Variants in ZNF862 observed in about 807,000 individuals in gnomAD.
ZNF862 encodes zinc finger protein 862.
In ZNF862, 64 loss-of-function variants were observed where a neutral mutation model predicts 91.1. The observed-to-expected ratio is 0.70, with a 90% CI of 0.57 to 0.87. ZNF862 has a LOEUF of 0.87. ZNF862 is among the 40% of genes least tolerant of loss of function. The pLI is 0.00. For synonymous variants in ZNF862, 631 were observed against 618.1 expected (o/e 1.02, Z -0.31); for missense variants, 1,459 against 1,528.0 (o/e 0.95, Z 0.75).
In ZNF862 at chr7:149,860,462, C is replaced by T. The variant is rs774416334; in HGVS notation, c.1302C>T (p.Pro434=). ...AADSALLPGS[P]VEARASCCSS... The stretch of plus-strand genomic sequence containing the variant: ...ACTCCGCGTTGCTTCCAGGCTCTCC[C>T]GTGGAGGCCCGTGCCTCCTGCTGCA... The change falls in exon 7 of 8, where the codon CCC becomes CCT. Residue 434 remains proline (P), a synonymous_variant. Transcript: ENST00000223210. 15 of 1,613,816 alleles carry T rather than the reference C, an allele frequency of 9.3e-6. No individual in the cohort carries two copies. The highest frequency in any genetic ancestry group is 8.3e-5 in the Admixed American group (5 of 60,002).
intron 7 of ZNF862, 102 bp from the exon 8 acceptor site, chr7:149,864,007 G>A (rs757331430): frequency 2.4e-6 from 3 of 1,266,754 alleles, no homozygotes; most frequent in Non-Finnish European, 2.2e-6. Flanking sequence ...ACTTCAGTCT[G>A]TTCTGCCAAG....
In ZNF862 at chr7:149,864,679, G is replaced by A. The variant is rs1325528624; in HGVS notation, c.*395G>A. On this transcript the variant is annotated 3_prime_UTR_variant, in exon 8 of 8. Coordinates refer to ENST00000223210, the MANE Select transcript of ZNF862 (RefSeq NM_001099220.3). ...CTGCCCACAGTCTAAGTGGGAATGGGAAAGACCACCTTGTTAGAGGGGGAG... is the reference window on the plus strand; with the variant it reads ...CTGCCCACAGTCTAAGTGGGAATGGAAAAGACCACCTTGTTAGAGGGGGAG... 1.2e-5 allele frequency: 2 copies of A among 165,170 alleles called. No individual in the cohort carries two copies. Among genetic ancestry groups the A allele is most frequent in the East Asian group, 3.4e-4 (2 of 5,850 alleles). 10.2% of individuals were successfully genotyped at this position (165,170 alleles called of 1,614,324 possible). A position where few individuals can be genotyped will look rare whatever the true frequency, so the allele number is the denominator to read the frequency against.
chr7:149,860,030 C>A (rs961454548), intron 6 of ZNF862: 3 of 322,682 alleles, frequency 9.3e-6, no homozygotes, highest in Non-Finnish European at 1.7e-5. Flanking sequence ...TGGAGCCTCA[C>A]ACGAGAGTGA....
chr7:149,839,969 C>T (rs1283448281), intron 1 of ZNF862, among the ~76,000 whole-genome samples: 6 of 152,062 alleles, frequency 3.9e-5, no homozygotes. Flanking sequence ...CTATTCTGTT[C>T]AGTCAGAGGC....
intron 5 of ZNF862, among the ~76,000 whole-genome samples, chr7:149,854,500 G>A (rs1802187704): frequency 6.6e-6 from 1 of 152,148 alleles, no homozygotes; most frequent in East Asian, 1.9e-4. Context: ...TTATAACTCT[G>A]GTTATATTAT....
chr7:149,865,808 G>A lies in ZNF862; in HGVS notation c.*1524G>A, dbSNP rs896283634. 1 of 152,296 alleles carries A rather than the reference G, an allele frequency of 6.6e-6. No individual in the cohort carries two copies. The highest frequency in any genetic ancestry group is 2.4e-5 in the African/African-American group (1 of 41,436). 9.4% of individuals were successfully genotyped at this position (152,296 alleles called of 1,614,324 possible). On this transcript the variant is annotated 3_prime_UTR_variant, in exon 8 of 8. Coordinates refer to ENST00000223210, the MANE Select transcript of ZNF862 (RefSeq NM_001099220.3). ...CTGTGCTGTGCTGCAGGCCCCTGTG[G>A]GTGGGCCCTTTCTCCATAGTCTGCC...
rs986025725 is a variant in ZNF862, at chr7:149,841,059, A to T, written c.24+2424A>T. 3.0e-5 allele frequency: 30 copies of T among 985,442 alleles called. No individual in the cohort carries two copies. In the East Asian group the frequency reaches 3.4e-3, roughly 112 times the overall value. The allele number at this position is 985,442 out of a possible 1,614,324, so 61.0% of individuals were successfully genotyped here. On this transcript the variant is annotated intron_variant, in intron 1 of 7. Transcript: ENST00000223210. ...CTCAGAAAGGTGCTCACCCTTCCCA[A>T]AGATAGTTGTTTTCTAATATGGGAA... is the stretch of plus-strand genomic sequence containing the variant.
At chr7:149,848,980 C>A (rs529362508) in intron 4 of ZNF862, among the ~76,000 whole-genome samples, 2 of 152,060 alleles carry the variant, frequency 1.3e-5, no homozygotes, top group Admixed American at 1.3e-4. Flanking sequence ...TTTTATTTTT[C>A]GTAGAGATGG....
chr7:149,852,487 G>A (rs1323586765), intron 5 of ZNF862: 1 of 152,382 alleles, frequency 6.6e-6, no homozygotes, highest in Non-Finnish European at 1.5e-5. Flanking sequence ...TCCTGCCTTA[G>A]CCTCCCAAGT....
At chr7:149,841,788 C>A (rs1306062826) in intron 1 of ZNF862, 1 of 982,964 alleles carries the variant, frequency 1.0e-6, no homozygotes, top group Non-Finnish European at 1.2e-6. Context: ...ATACTCCTTT[C>A]TCATTTTTTT....
rs894976352 is a variant in ZNF862 at position 149,860,790 on chromosome 7, G to T, written c.1630G>T (p.Val544Phe). The T allele has an allele frequency of 3.1e-6, 5 of 1,613,762 alleles. No individual in the cohort carries two copies. The highest frequency in any genetic ancestry group is 3.4e-6 in the Non-Finnish European group (4 of 1,179,880). Residue 544 changes from valine to phenylalanine, a missense_variant, in exon 7 of 8, where the codon GTT (valine) becomes TTT (phenylalanine). Val to Phe is a conservative substitution (Grantham distance 50). Transcript: ENST00000223210. ...IKEDTPHTAL[V>F]PEISSDLMAN... ...GGAAGACACCCCTCACACTGCCCTC[G>T]TTCCAGAGATCTCCAGCGACCTCAT... is the stretch of plus-strand genomic sequence containing the variant.
chr7:149,853,206 C>T (rs779448155), intron 5 of ZNF862, among the ~76,000 whole-genome samples: 17 of 152,024 alleles, frequency 1.1e-4, no homozygotes, highest in Non-Finnish European at 2.1e-4. Context: ...TACAGGCACA[C>T]GCACTGCACC....
chr7:149,860,039 G>A, intron 6 of ZNF862: 1 of 335,782 alleles, frequency 3.0e-6, no homozygotes, highest in Non-Finnish European at 5.4e-6. Flanking sequence ...ACACGAGAGT[G>A]AAAGCCACCT....
intron 5 of ZNF862, among the ~76,000 whole-genome samples, chr7:149,854,196 G>T (rs1802176001): frequency 6.6e-6 from 1 of 152,170 alleles, no homozygotes; most frequent in Non-Finnish European, 1.5e-5. Flanking sequence ...TCTAGGCAGG[G>T]CCTGGAACTT....
In ZNF862 at chr7:149,864,665, C is replaced by CTT. The variant is rs80095241; in HGVS notation, c.*382_*383insTT. The CTT allele has an allele frequency of 0.021, 3,654 of 172,658 alleles. 127 individuals are homozygous for CTT. The highest frequency in any genetic ancestry group is 0.13 in the East Asian group (803 of 6,332). The allele number at this position is 172,658 out of a possible 1,614,324, so 10.7% of individuals were successfully genotyped here. A position where few individuals can be genotyped will look rare whatever the true frequency, so the allele number is the denominator to read the frequency against. ...ATGTTCCAGGGAGGCTGCCCACAGT[C>CTT]TAAGTGGGAATGGGAAAGACCACCT... On this transcript the variant is annotated 3_prime_UTR_variant, in exon 8 of 8. Coordinates refer to ENST00000223210, the MANE Select transcript of ZNF862 (RefSeq NM_001099220.3).
chr7:149,848,717 C>T (rs1801963935), intron 4 of ZNF862, among the ~76,000 whole-genome samples: 1 of 152,208 alleles, frequency 6.6e-6, no homozygotes, highest in Non-Finnish European at 1.5e-5. Flanking sequence ...AGGAAACAAT[C>T]ATCTTTATTC....
intron 5 of ZNF862, chr7:149,859,178 C>G (rs1291978868): frequency 1.8e-6 from 1 of 557,158 alleles, no homozygotes; most frequent in Admixed American, 3.2e-5. Context: ...CCACCCTTCC[C>G]CCTCTGGTGT....
chr7:149,842,799 TG>T (rs1474486802), intron 1 of ZNF862, among the ~76,000 whole-genome samples: 2 of 152,242 alleles, frequency 1.3e-5, no homozygotes, highest in African/African-American at 4.8e-5. Context: ...AGCCTAATCT[TG>T]GGGTTGTCTT....
intron 6 of ZNF862, 146 bp downstream of exon 6, chr7:149,859,672 G>T: frequency 1.5e-6 from 1 of 649,370 alleles, no homozygotes; most frequent in East Asian, 2.7e-5. Flanking sequence ...TAGACAAGAT[G>T]AATAAGCAAC....
Sources: gnomAD v4.1 joint callset for allele counts (sites outside exome capture counted in the v4.1 genomes callset) on GRCh38, gnomAD v4.1.1 for gene constraint, MANE v1.5 for transcripts, NCBI Gene and HGNC (gene_info 2026-07-23, HGNC 2026-07-21) for gene names.